CACNA2D3: variants seen among roughly 807,000 people sequenced by gnomAD.
The protein encoded by CACNA2D3 is voltage-dependent calcium channel subunit alpha-2/delta-3.
In CACNA2D3, 60 loss-of-function variants were observed where a neutral mutation model predicts 160.6. The observed-to-expected ratio is 0.37, with a 90% CI of 0.30 to 0.46. The LOEUF is 0.46. CACNA2D3 is among the 20% of genes least tolerant of loss of function. CACNA2D3 has a pLI of 1.00. For synonymous variants in CACNA2D3, 558 were observed against 492.9 expected (o/e 1.13, Z -1.75); for missense variants, 1,205 against 1,365.0 (o/e 0.88, Z 1.85).
intron 18 of CACNA2D3, chr3:54,878,806 G>C (rs374005435): frequency 2.5e-6 from 1 of 397,618 alleles, no homozygotes; most frequent in Non-Finnish European, 4.4e-6. Flanking sequence ...AAGTTTACAC[G>C]AGCTCCCCAA....
At chr3:54,969,483 C>A (rs556349323) in intron 28 of CACNA2D3, among the ~76,000 whole-genome samples, 29 of 152,262 alleles carry the variant, frequency 1.9e-4, no homozygotes, top group African/African-American at 7.0e-4. Context: ...TGGTCTCGAA[C>A]TCCTGACCTC....
At chr3:54,466,212 A>C (rs1313108045) in intron 4 of CACNA2D3, among the ~76,000 whole-genome samples, 2 of 152,248 alleles carry the variant, frequency 1.3e-5, no homozygotes, top group Non-Finnish European at 2.9e-5. Flanking sequence ...ATCAAGGGAT[A>C]GGAATCTTGG....
At chr3:54,456,184 G>A (rs1700393843) in intron 4 of CACNA2D3, among the ~76,000 whole-genome samples, 1 of 151,910 alleles carries the variant, frequency 6.6e-6, no homozygotes, top group Admixed American at 6.6e-5. Flanking sequence ...TATTCATGAG[G>A]CTGGGATGTC....
At chr3:54,820,279 G>C (rs1464743823) in intron 14 of CACNA2D3, among the ~76,000 whole-genome samples, 2 of 152,092 alleles carry the variant, frequency 1.3e-5, no homozygotes, top group East Asian at 3.9e-4. Flanking sequence ...TCTCTTGGCT[G>C]ATCTGCAACT....
At chr3:54,752,780 A>C (rs1285808844) in intron 12 of CACNA2D3, 103 bp downstream of exon 12, 3 of 812,172 alleles carry the variant, frequency 3.7e-6, no homozygotes, top group Non-Finnish European at 6.2e-6. Flanking sequence ...TCTAAGATAA[A>C]GTCTGGGTAT....
chr3:54,178,277 T>G (rs180681343), intron 2 of CACNA2D3, among the ~76,000 whole-genome samples: 1 of 152,330 alleles, frequency 6.6e-6, no homozygotes, highest in African/African-American at 2.4e-5. Context: ...TATTTTTGTC[T>G]TTTAGAGTTG....
chr3:54,174,555 C>T (rs551785789), intron 2 of CACNA2D3, among the ~76,000 whole-genome samples: 339 of 151,332 alleles, frequency 2.2e-3, no homozygotes, highest in Non-Finnish European at 3.4e-3. Flanking sequence ...GACAGAATCT[C>T]GCTCTGTCGC....
intron 2 of CACNA2D3, among the ~76,000 whole-genome samples, chr3:54,128,856 A>C (rs1449371463): frequency 6.6e-6 from 1 of 152,246 alleles, no homozygotes; most frequent in Non-Finnish European, 1.5e-5. Flanking sequence ...ATGAATTAGC[A>C]TATGTGATTT....
intron 2 of CACNA2D3, among the ~76,000 whole-genome samples, chr3:54,293,304 G>A (rs1336409390): frequency 6.6e-6 from 1 of 152,094 alleles, no homozygotes; most frequent in Non-Finnish European, 1.5e-5. Context: ...CCCATCACCT[G>A]AGCAGTATAC....
chr3:54,769,629 T>C (rs1317774554), intron 13 of CACNA2D3, among the ~76,000 whole-genome samples: 5 of 152,320 alleles, frequency 3.3e-5, no homozygotes, highest in African/African-American at 2.4e-5. Flanking sequence ...TGTCTATGCA[T>C]AGTATGAATG....
At chr3:54,778,392 C>T (rs898915806) in intron 13 of CACNA2D3, among the ~76,000 whole-genome samples, 5 of 152,060 alleles carry the variant, frequency 3.3e-5, no homozygotes, top group African/African-American at 7.2e-5. Context: ...TCTCTCACAC[C>T]GAGACCACTG....
At chr3:54,206,368 G>A (rs1701277042) in intron 2 of CACNA2D3, among the ~76,000 whole-genome samples, 1 of 152,136 alleles carries the variant, frequency 6.6e-6, no homozygotes, top group African/African-American at 2.4e-5. Flanking sequence ...ATTTTGAGCT[G>A]AGCTCAGATT....
intron 3 of CACNA2D3, among the ~76,000 whole-genome samples, chr3:54,362,906 A>C (rs1207115452): frequency 6.6e-6 from 1 of 152,222 alleles, no homozygotes; most frequent in Non-Finnish European, 1.5e-5. Flanking sequence ...TAAGAATATT[A>C]CAATGTGCAG....
intron 9 of CACNA2D3, among the ~76,000 whole-genome samples, chr3:54,605,594 A>G (rs1371539020): frequency 6.6e-6 from 1 of 152,008 alleles, no homozygotes; most frequent in Non-Finnish European, 1.5e-5. Context: ...CTTGTTTCTT[A>G]TTGTTACGCT....
intron 9 of CACNA2D3, 96 bp downstream of exon 9, chr3:54,581,973 C>A: frequency 2.0e-6 from 2 of 1,001,614 alleles, no homozygotes; most frequent in Non-Finnish European, 3.0e-6. Context: ...AAATGCACTG[C>A]CCTTTCATTG....
rs770036603 is a variant in CACNA2D3 at position 54,677,619 on chromosome 3, TTG to T, written c.1167+35379_1167+35380del. 5.9e-4 allele frequency among the ~76,000 whole-genome samples: 77 copies of T among 131,592 alleles called. 1 individual carries two copies. In the Middle Eastern group the frequency reaches 0.027, roughly 46 times the overall value. The allele number at this position is 131,592 out of a possible 152,430, so 86.3% of individuals were successfully genotyped here. A position where few individuals can be genotyped will look rare whatever the true frequency, so the allele number is the denominator to read the frequency against. ...TATTTGAATAGTTTTTGTTTTTTTT[TTG>T]GGGGGGGGGCAACGTACTTACTCGT... is the stretch of plus-strand genomic sequence containing the variant. On this transcript the variant is annotated intron_variant, in intron 11 of 37. Transcript: ENST00000474759.
chr3:54,996,605 C>G (rs1186174916), intron 31 of CACNA2D3, among the ~76,000 whole-genome samples: 2 of 152,192 alleles, frequency 1.3e-5, no homozygotes, highest in African/African-American at 4.8e-5. Context: ...GGCACTCACA[C>G]TTGTTTATCA....
chr3:54,813,311 G>C (rs1342528450), intron 13 of CACNA2D3, among the ~76,000 whole-genome samples: 1 of 152,158 alleles, frequency 6.6e-6, no homozygotes, highest in African/African-American at 2.4e-5. Context: ...TGACAAGGTG[G>C]CTTTGAAGAA....
intron 5 of CACNA2D3, among the ~76,000 whole-genome samples, chr3:54,540,193 T>G (rs746575189): frequency 2.0e-5 from 3 of 152,150 alleles, no homozygotes; most frequent in Non-Finnish European, 1.5e-5. Flanking sequence ...CTTGGCAGTT[T>G]ATGGAAATAA....
Sources: gnomAD v4.1 joint callset for allele counts (sites outside exome capture counted in the v4.1 genomes callset) on GRCh38, gnomAD v4.1.1 for gene constraint, MANE v1.5 for transcripts, NCBI Gene and HGNC (gene_info 2026-07-23, HGNC 2026-07-21) for gene names.